The following GMDS variants were observed in gnomAD, a reference collection of about 807,000 sequenced individuals.
GMDS encodes the protein GDP-mannose 4,6-dehydratase.
GMDS carries 20 observed loss-of-function variants against 49.9 expected under a neutral mutation model. The observed-to-expected ratio is 0.40, with a 90% CI of 0.28 to 0.58. The LOEUF is 0.58. Among genes scored for constraint, GMDS ranks in the 20% least tolerant of loss-of-function variants. The probability of loss-of-function intolerance (pLI) is 0.42; values close to 1 mark genes in which losing one functional copy is unlikely to be tolerated. For synonymous variants in GMDS, 177 were observed against 178.6 expected, an observed-to-expected ratio of 0.99 and a Z score of 0.07; for missense variants, 362 against 481.4, an observed-to-expected ratio of 0.75 and a Z score of 2.32.
intron 9 of GMDS, among the ~76,000 whole-genome samples, chr6:1,674,560 CTTTTTTTTT>C (rs869292549): frequency 8.2e-5 from 6 of 73,460 alleles, no homozygotes; most frequent in East Asian, 5.4e-4. Flanking sequence ...CTCTCTCTCT[CTTTTTTTTT>C]TTTTTTTTTT....
intron 7 of GMDS, among the ~76,000 whole-genome samples, chr6:1,789,174 G>A (rs1769429030): frequency 6.6e-6 from 1 of 152,250 alleles, no homozygotes; most frequent in African/African-American, 2.4e-5. Flanking sequence ...AAGCTTCCAT[G>A]TGCTCAAGAT....
At chr6:1,736,997 C>T (rs939279142) in intron 8 of GMDS, among the ~76,000 whole-genome samples, 1 of 152,168 alleles carries the variant, frequency 6.6e-6, no homozygotes, top group Non-Finnish European at 1.5e-5. Context: ...CCTCCAGAGG[C>T]TTCATGAAGC....
intron 4 of GMDS, among the ~76,000 whole-genome samples, chr6:2,048,392 C>T (rs1254825197): frequency 6.6e-6 from 1 of 152,174 alleles, no homozygotes; most frequent in Admixed American, 6.5e-5. Context: ...TTCCACTGGT[C>T]TATATGTTAC....
intron 4 of GMDS, among the ~76,000 whole-genome samples, chr6:2,018,382 T>C (rs990545511): frequency 2.0e-5 from 3 of 152,204 alleles, no homozygotes; most frequent in Non-Finnish European, 2.9e-5. Context: ...TACAGTTCAA[T>C]GGTTTTCAGT....
Position 1,766,711 on chromosome 6 carries a change from G to C in GMDS, c.772-24125C>G, listed in dbSNP as rs2113567331. 6.6e-6 allele frequency among the ~76,000 whole-genome samples: 1 copy of C among 152,262 alleles called. No individual in the cohort carries two copies. The highest frequency in any genetic ancestry group is 2.4e-5 in the African/African-American group (1 of 41,548). ...CAGACGGTTCCCACCTGGGGATGTT[G>C]AACCAGTCTCACCAGATCTGCTTAC... On this transcript the variant is annotated intron_variant, in intron 7 of 10. Coordinates refer to ENST00000380815, the MANE Select transcript of GMDS (RefSeq NM_001500.4). The surrounding 1 kb of genome is among the most constrained non-coding windows in gnomAD (Gnocchi z 4.5).
chr6:1,867,615 G>T (rs2113796576), intron 7 of GMDS, among the ~76,000 whole-genome samples: 1 of 152,326 alleles, frequency 6.6e-6, no homozygotes, highest in Admixed American at 6.5e-5. Context: ...AAGCACTGAA[G>T]AAGGTCCTGT....
intron 9 of GMDS, among the ~76,000 whole-genome samples, chr6:1,685,194 C>T (rs1431128726): frequency 1.4e-5 from 2 of 147,842 alleles, no homozygotes; most frequent in Admixed American, 6.8e-5. Context: ...GTCAAGAGTT[C>T]GAGATCAGCC....
intron 1 of GMDS, among the ~76,000 whole-genome samples, chr6:2,232,831 A>G (rs1781173718): frequency 6.6e-6 from 1 of 152,120 alleles, no homozygotes; most frequent in South Asian, 2.1e-4. Context: ...TCTCCCCTTC[A>G]GCCTCTTCCA....
At chr6:1,817,574 T>C (rs1030691115) in intron 7 of GMDS, among the ~76,000 whole-genome samples, 1 of 152,200 alleles carries the variant, frequency 6.6e-6, no homozygotes, top group Non-Finnish European at 1.5e-5. Flanking sequence ...GTTTACTTTA[T>C]AACATGGGTC....
intron 1 of GMDS, among the ~76,000 whole-genome samples, chr6:2,142,955 A>C (rs886694399): frequency 6.6e-6 from 1 of 152,098 alleles, no homozygotes; most frequent in African/African-American, 2.4e-5. Flanking sequence ...ACACTCATTC[A>C]GTGGAACTCA....
intron 7 of GMDS, among the ~76,000 whole-genome samples, chr6:1,912,535 G>A (rs541941396): frequency 1.3e-5 from 2 of 152,104 alleles, no homozygotes; most frequent in African/African-American, 4.8e-5. Context: ...TTATCCAAAT[G>A]TGAAATGTAG....
At chr6:2,225,244 T>C (rs1373708982) in intron 1 of GMDS, among the ~76,000 whole-genome samples, 1 of 151,916 alleles carries the variant, frequency 6.6e-6, no homozygotes, top group Non-Finnish European at 1.5e-5. Flanking sequence ...GCAGAAGTAT[T>C]GTCTGAGCTG....
chr6:2,191,106 T>C lies in GMDS; in HGVS notation c.102+54215A>G, dbSNP rs1778994795. Among the ~76,000 whole-genome samples, 1 of 152,182 alleles carries C rather than the reference T, an allele frequency of 6.6e-6. No homozygotes were observed. The highest frequency in any genetic ancestry group is 1.9e-4 in the East Asian group (1 of 5,168). ...CCAGTGGTGCGGTCACCACGCCCAC[T>C]GCACCAAGGGTGCCGTGTTCTTGCG... On this transcript the variant is annotated intron_variant, in intron 1 of 10. Coordinates refer to ENST00000380815, the MANE Select transcript of GMDS (RefSeq NM_001500.4). This position sits in a 1 kb window ranked among gnomAD's most constrained non-coding sequence, Gnocchi z 4.6.
intron 7 of GMDS, among the ~76,000 whole-genome samples, chr6:1,812,324 G>A (rs1164915916): frequency 6.6e-6 from 1 of 152,170 alleles, no homozygotes; most frequent in Non-Finnish European, 1.5e-5. Context: ...TGTGAAGAGA[G>A]CGTGAGAAGG....
chr6:1,806,181 A>C (rs1373188236), intron 7 of GMDS, among the ~76,000 whole-genome samples: 2 of 152,174 alleles, frequency 1.3e-5, no homozygotes, highest in Non-Finnish European at 2.9e-5. Flanking sequence ...TTTCTCTCCA[A>C]GTCCAATTTA....
intron 7 of GMDS, among the ~76,000 whole-genome samples, chr6:1,915,851 G>A (rs571725683): frequency 6.6e-6 from 1 of 152,298 alleles, no homozygotes; most frequent in African/African-American, 2.4e-5. Flanking sequence ...ACGCAATAAG[G>A]TTTTGAACTT....
At chr6:1,708,649 CCT>C (rs1765829701) in intron 9 of GMDS, among the ~76,000 whole-genome samples, 1 of 152,222 alleles carries the variant, frequency 6.6e-6, no homozygotes, top group Admixed American at 6.5e-5. Flanking sequence ...GTAGAATATT[CCT>C]TTTGAATTAA....
chr6:1,781,560 C>G (rs929217549), intron 7 of GMDS, among the ~76,000 whole-genome samples: 5 of 152,232 alleles, frequency 3.3e-5, no homozygotes, highest in Admixed American at 1.3e-4. Context: ...GGCCTACTCC[C>G]CTCTGCTGTC....
At chr6:2,067,400 G>A (rs1381398804) in intron 4 of GMDS, among the ~76,000 whole-genome samples, 2 of 149,468 alleles carry the variant, frequency 1.3e-5, no homozygotes, top group African/African-American at 4.9e-5. Context: ...CAGAAGGCAA[G>A]AAATAACTAA....
Sources: allele counts gnomAD v4.1 joint callset (sites outside exome capture counted in the v4.1 genomes callset), GRCh38; gene constraint gnomAD v4.1.1; non-coding constraint Gnocchi (gnomAD v3.1); transcripts MANE v1.5; gene names NCBI Gene and HGNC (gene_info 2026-07-23, HGNC 2026-07-21).